Variants in RYR2 observed in about 807,000 individuals in gnomAD.
RYR2 encodes ryanodine receptor 2.
Under a neutral mutation model 601.1 loss-of-function variants are expected in RYR2, and 227 were observed. The observed-to-expected ratio is 0.38, with a 90% CI of 0.34 to 0.42. RYR2 has a LOEUF of 0.42. Ranked by LOEUF, RYR2 falls within the 10% of genes least tolerant of loss-of-function variation. The probability of loss-of-function intolerance (pLI) is 1.00; values close to 1 mark genes in which losing one functional copy is unlikely to be tolerated. For synonymous variants in RYR2, 2,223 were observed against 2,175.1 expected (o/e 1.02, Z -0.61); for missense variants, 4,646 against 6,156.5 (o/e 0.75, Z 8.21).
intron 2 of RYR2, among the ~76,000 whole-genome samples, chr1:237,295,638 A>G (rs186559192): frequency 1.3e-5 from 2 of 152,328 alleles, no homozygotes; most frequent in African/African-American, 4.8e-5. Context: ...TAAACGTTGT[A>G]ATAAGATCTT....
intron 16 of RYR2, among the ~76,000 whole-genome samples, chr1:237,456,969 G>A (rs2150231369): frequency 6.6e-6 from 1 of 152,142 alleles, no homozygotes; most frequent in East Asian, 1.9e-4. Context: ...AATAGCTACA[G>A]CAATTTTATA....
intron 22 of RYR2, among the ~76,000 whole-genome samples, chr1:237,505,620 AG>A (rs1201391678): frequency 6.6e-6 from 1 of 152,262 alleles, no homozygotes; most frequent in Non-Finnish European, 1.5e-5. Flanking sequence ...TTGGGAGACT[AG>A]AAATGAACAA....
At chr1:237,383,555 G>C (rs926163013) in intron 8 of RYR2, among the ~76,000 whole-genome samples, 10 of 148,818 alleles carry the variant, frequency 6.7e-5, no homozygotes, top group African/African-American at 2.5e-4. Context: ...TCAGCCTCCT[G>C]AGTAGCTGGG....
At chr1:237,469,504 A>G (rs1393266424) in intron 17 of RYR2, among the ~76,000 whole-genome samples, 9 of 152,132 alleles carry the variant, frequency 5.9e-5, no homozygotes. Flanking sequence ...AAGTATTTTT[A>G]TTTCTTGAAA....
intron 1 of RYR2, among the ~76,000 whole-genome samples, chr1:237,093,534 G>A (rs1325778860): frequency 2.0e-5 from 3 of 152,254 alleles, no homozygotes; most frequent in Middle Eastern, 3.4e-3. Context: ...CCCTGGCCTG[G>A]GCTCAGGTGA....
At chr1:237,281,647 C>G (rs568535255) in intron 2 of RYR2, among the ~76,000 whole-genome samples, 3 of 152,190 alleles carry the variant, frequency 2.0e-5, no homozygotes, top group Admixed American at 1.3e-4. Context: ...TGCTGCATCC[C>G]GTCAGTGCAG....
intron 2 of RYR2, among the ~76,000 whole-genome samples, chr1:237,296,339 A>T (rs958870076): frequency 6.6e-6 from 1 of 152,350 alleles, no homozygotes; most frequent in African/African-American, 2.4e-5. Context: ...TAGGAATTGA[A>T]TGATGTTTCT....
intron 2 of RYR2, among the ~76,000 whole-genome samples, chr1:237,294,575 C>G (rs980573109): frequency 1.3e-5 from 2 of 152,174 alleles, no homozygotes; most frequent in East Asian, 3.9e-4. Context: ...TTCAGAAACA[C>G]TATTACATAT....
Position 237,785,999 on chromosome 1 carries a change from G to A in RYR2, c.13291G>A (p.Glu4431Lys), listed in dbSNP as rs571985775. The change falls in exon 91 of 105, where the codon GAA (glutamate) becomes AAA (lysine). Residue 4431 changes from glutamate to lysine, a missense_variant. Transcript: ENST00000366574. ...GAAGGCAAAAGAAGAAGAAAAGGAA[G>A]AAAAAGAAGAAACCAAATCTGAACC... is the stretch of plus-strand genomic sequence containing the variant. ...EQKAKEEEKE[E>K]KEETKSEPEK... 5.6e-4 allele frequency: 889 copies of A among 1,591,854 alleles called. No individual in the cohort carries two copies. Among genetic ancestry groups the A allele is most frequent in the Non-Finnish European group, 7.3e-4 (858 of 1,167,902 alleles).
intron 37 of RYR2, among the ~76,000 whole-genome samples, chr1:237,616,027 TC>T (rs1033047974): frequency 8.6e-5 from 13 of 151,520 alleles, no homozygotes; most frequent in African/African-American, 3.2e-4. Context: ...GGTAGGAAAA[TC>T]GATAAGGGAG....
At chr1:237,489,523 G>C (rs191271122) in intron 17 of RYR2, among the ~76,000 whole-genome samples, 1 of 152,178 alleles carries the variant, frequency 6.6e-6, no homozygotes, top group Admixed American at 6.5e-5. Context: ...TGGGCATGGC[G>C]GTGGGTGCCC....
intron 78 of RYR2, among the ~76,000 whole-genome samples, chr1:237,732,623 A>T (rs1030115777): frequency 1.1e-4 from 16 of 152,156 alleles, no homozygotes; most frequent in Non-Finnish European, 1.8e-4. Flanking sequence ...TTTCAAGGGC[A>T]TTGCCCATTT....
At chr1:237,390,172 A>G (rs1351206315) in intron 10 of RYR2, among the ~76,000 whole-genome samples, 1 of 145,538 alleles carries the variant, frequency 6.9e-6, no homozygotes, top group Non-Finnish European at 1.5e-5. Flanking sequence ...AGCTTATAAG[A>G]GACCATGCCA....
chr1:237,379,288 A>G (rs987729125), intron 8 of RYR2, among the ~76,000 whole-genome samples: 6 of 152,224 alleles, frequency 3.9e-5, no homozygotes, highest in Non-Finnish European at 5.9e-5. Context: ...GGATGGCATC[A>G]TTATGCACTG....
At chr1:237,612,913 T>C (rs977083370) in intron 36 of RYR2, among the ~76,000 whole-genome samples, 2 of 152,204 alleles carry the variant, frequency 1.3e-5, no homozygotes, top group African/African-American at 4.8e-5. Flanking sequence ...TTCCAAATGA[T>C]ATGGAACATG....
At chr1:237,745,818 A>C (rs1692023662) in intron 80 of RYR2, among the ~76,000 whole-genome samples, 1 of 152,194 alleles carries the variant, frequency 6.6e-6, no homozygotes, top group African/African-American at 2.4e-5. Flanking sequence ...TGACTGTCTC[A>C]GCAAGAGACA....
chr1:237,332,180 A>G (rs1031091614), intron 3 of RYR2, among the ~76,000 whole-genome samples: 2 of 152,198 alleles, frequency 1.3e-5, no homozygotes, highest in Admixed American at 6.5e-5. Flanking sequence ...ATGATTATCC[A>G]TAGAAAGGAG....
At chr1:237,792,418 T>C (rs1658559814) in intron 94 of RYR2, 95 bp downstream of exon 94, 1 of 790,772 alleles carries the variant, frequency 1.3e-6, no homozygotes, top group South Asian at 2.2e-5. Flanking sequence ...TGTGTGTGTG[T>C]GTGTGTTTTG....
chr1:237,205,541 T>C (rs1681714422), intron 1 of RYR2, among the ~76,000 whole-genome samples: 1 of 152,090 alleles, frequency 6.6e-6, no homozygotes, highest in Non-Finnish European at 1.5e-5. Context: ...CCAGCAGAAT[T>C]TGGTCCAGGG....
Sources: gnomAD v4.1 joint callset for allele counts (sites outside exome capture counted in the v4.1 genomes callset) on GRCh38, gnomAD v4.1.1 for gene constraint, MANE v1.5 for transcripts, NCBI Gene and HGNC (gene_info 2026-07-23, HGNC 2026-07-21) for gene names.